Variants in CHCHD6 observed in about 807,000 individuals in gnomAD.
The protein encoded by CHCHD6 is MICOS complex subunit MIC25.
Under a neutral mutation model 32.3 loss-of-function variants are expected in CHCHD6, and 28 were observed. The observed-to-expected ratio is 0.87, with a 90% CI of 0.64 to 1.19. The LOEUF (loss-of-function observed/expected upper bound fraction) is 1.19. CHCHD6 is among the 50% of genes most tolerant of loss of function. The probability of loss-of-function intolerance (pLI) is 0.00; values close to 1 mark genes in which losing one functional copy is unlikely to be tolerated. For synonymous variants in CHCHD6, 122 were observed against 117.5 expected (o/e 1.04, Z -0.25); for missense variants, 333 against 307.0 (o/e 1.08, Z -0.63).
chr3:126,805,025 A>T (rs1173305829), intron 4 of CHCHD6, among the ~76,000 whole-genome samples: 1 of 152,202 alleles, frequency 6.6e-6, no homozygotes, highest in Non-Finnish European at 1.5e-5. Context: ...AACTCTCAAT[A>T]AATTAGGTAT....
At chr3:126,952,454 G>A (rs1393261069) in intron 6 of CHCHD6, among the ~76,000 whole-genome samples, 1 of 152,194 alleles carries the variant, frequency 6.6e-6, no homozygotes, top group Non-Finnish European at 1.5e-5. Flanking sequence ...GTGTGCTGAG[G>A]GGACAAGGGC....
intron 4 of CHCHD6, among the ~76,000 whole-genome samples, chr3:126,826,780 A>G (rs1332921857): frequency 6.6e-6 from 1 of 152,160 alleles, no homozygotes; most frequent in Non-Finnish European, 1.5e-5. Context: ...GGAATCTACT[A>G]CTAAGGCCTC....
At chr3:126,858,869 A>G (rs1941756367) in intron 5 of CHCHD6, among the ~76,000 whole-genome samples, 1 of 152,218 alleles carries the variant, frequency 6.6e-6, no homozygotes, top group South Asian at 2.1e-4. Flanking sequence ...TGGGCACAGA[A>G]TGAGGGCTGG....
intron 2 of CHCHD6, 92 bp from the exon 3 acceptor site, chr3:126,730,469 A>G (rs547863510): frequency 4.4e-5 from 46 of 1,038,898 alleles, no homozygotes; most frequent in Admixed American, 2.6e-4. Context: ...GGGCACATTC[A>G]TTCATGGGGG....
intron 6 of CHCHD6, among the ~76,000 whole-genome samples, chr3:126,945,162 C>T (rs1467296710): frequency 6.6e-6 from 1 of 151,938 alleles, no homozygotes; most frequent in East Asian, 1.9e-4. Context: ...GCAGAGCAGG[C>T]ACGGGCGGCT....
At chr3:126,944,143 T>C (rs943259055) in intron 6 of CHCHD6, among the ~76,000 whole-genome samples, 1 of 152,182 alleles carries the variant, frequency 6.6e-6, no homozygotes, top group African/African-American at 2.4e-5. Context: ...CACCTGGCAA[T>C]AGGCGCTGAG....
intron 4 of CHCHD6, among the ~76,000 whole-genome samples, chr3:126,773,697 C>T (rs1391145978): frequency 6.6e-6 from 1 of 151,550 alleles, no homozygotes; most frequent in Non-Finnish European, 1.5e-5. Context: ...CCTCTGCCTC[C>T]CAGGTTCAAG....
At chr3:126,947,877 A>G (rs756024159) in intron 6 of CHCHD6, among the ~76,000 whole-genome samples, 8 of 151,938 alleles carry the variant, frequency 5.3e-5, no homozygotes, top group Non-Finnish European at 1.2e-4. Context: ...CCCCTTTTCC[A>G]TTATGTGGGT....
At chr3:126,780,064 A>G (rs530074933) in intron 4 of CHCHD6, among the ~76,000 whole-genome samples, 1 of 152,340 alleles carries the variant, frequency 6.6e-6, no homozygotes, top group East Asian at 1.9e-4. Context: ...GTAGTAAGCA[A>G]ATCGTATAGT....
At chr3:126,947,548 C>T (rs537612648) in intron 6 of CHCHD6, among the ~76,000 whole-genome samples, 2 of 152,332 alleles carry the variant, frequency 1.3e-5, no homozygotes, top group African/African-American at 4.8e-5. Flanking sequence ...TCCCGGGCCC[C>T]TCTCACTGCT....
At chr3:126,914,789 C>T (rs373965236) in intron 6 of CHCHD6, 39 bp downstream of exon 6, 1 of 1,245,352 alleles carries the variant, frequency 8.0e-7, no homozygotes, top group African/African-American at 1.5e-5. Flanking sequence ...ACTTGGCCCA[C>T]AATTGTAAAA....
chr3:126,736,070 C>T (rs930930931), intron 4 of CHCHD6, among the ~76,000 whole-genome samples: 2 of 152,084 alleles, frequency 1.3e-5, no homozygotes, highest in Non-Finnish European at 2.9e-5. Context: ...AGGGGGGCTC[C>T]CTTTGGGTTG....
intron 4 of CHCHD6, among the ~76,000 whole-genome samples, chr3:126,800,976 C>T (rs1486948682): frequency 6.6e-6 from 1 of 152,172 alleles, no homozygotes; most frequent in Non-Finnish European, 1.5e-5. Flanking sequence ...TTTGTTATTG[C>T]TTCATTCTTA....
At chr3:126,790,925 T>C (rs926537794) in intron 4 of CHCHD6, among the ~76,000 whole-genome samples, 1 of 152,114 alleles carries the variant, frequency 6.6e-6, no homozygotes, top group African/African-American at 2.4e-5. Flanking sequence ...TCAGTTTTTC[T>C]CTTCTGTTTT....
chr3:126,729,427 G>A (rs928058609), intron 2 of CHCHD6, among the ~76,000 whole-genome samples: 1 of 152,212 alleles, frequency 6.6e-6, no homozygotes, highest in African/African-American at 2.4e-5. Flanking sequence ...GAGGATGAGT[G>A]CCACATGCTC....
intron 5 of CHCHD6, among the ~76,000 whole-genome samples, chr3:126,860,979 G>GT (rs1352455486): frequency 6.6e-6 from 1 of 152,164 alleles, no homozygotes; most frequent in Admixed American, 6.5e-5. Context: ...AGGGAACCGA[G>GT]TTTGAATTAA....
intron 5 of CHCHD6, among the ~76,000 whole-genome samples, chr3:126,881,185 G>C (rs576259143): frequency 1.3e-5 from 2 of 152,236 alleles, no homozygotes; most frequent in African/African-American, 4.8e-5. Context: ...AACTGTCCTC[G>C]TAGGCCTCCC....
intron 6 of CHCHD6, among the ~76,000 whole-genome samples, chr3:126,952,452 A>T (rs1162271738): frequency 6.6e-6 from 1 of 152,140 alleles, no homozygotes; most frequent in East Asian, 1.9e-4. Flanking sequence ...TGGTGTGCTG[A>T]GGGGACAAGG....
chr3:126,902,497 A>G (rs1251660108), intron 5 of CHCHD6, among the ~76,000 whole-genome samples: 3 of 152,128 alleles, frequency 2.0e-5, no homozygotes, highest in African/African-American at 4.8e-5. Context: ...CGGGCAGATC[A>G]TGAGGTCAGG....
Sources: gnomAD v4.1 joint callset for allele counts (sites outside exome capture counted in the v4.1 genomes callset) on GRCh38, gnomAD v4.1.1 for gene constraint, MANE v1.5 for transcripts, NCBI Gene and HGNC (gene_info 2026-07-23, HGNC 2026-07-21) for gene names.